The following PCGF5 variants were observed in gnomAD, a reference collection of about 807,000 sequenced individuals.
The protein encoded by PCGF5 is polycomb group RING finger protein 5.
A neutral mutation model predicts 44.3 loss-of-function variants in PCGF5; 9 were observed. The observed-to-expected ratio is 0.20, with a 90% CI of 0.12 to 0.35. The LOEUF (loss-of-function observed/expected upper bound fraction) is 0.35, where lower values mean the gene tolerates loss of function less well. PCGF5 is among the 10% of genes least tolerant of loss of function. The probability of loss-of-function intolerance (pLI) is 1.00; values close to 1 mark genes in which losing one functional copy is unlikely to be tolerated. For missense variants in PCGF5, 146 were observed against 305.3 expected, an observed-to-expected ratio of 0.48 and a Z score of 3.89; for synonymous variants, 95 against 102.5, an observed-to-expected ratio of 0.93 and a Z score of 0.44.
At position 91,271,712 on chromosome 10, in the gene PCGF5, C is replaced by T. The variant is rs1264630163; in HGVS notation, c.723+15C>T. On this transcript the variant is annotated intron_variant, in intron 9 of 9. Transcript: ENST00000336126. ...CTTTGTATCAGGTAAGAGGCACTCA[C>T]GACTGTACATATGACCATCATGACA... 1.2e-6 allele frequency: 2 copies of T among 1,606,260 alleles called. No homozygotes were observed. The highest frequency in any genetic ancestry group is 1.7e-6 in the Non-Finnish European group (2 of 1,172,952).
chr10:91,221,142 C>T (rs757175351), intron 1 of PCGF5, among the ~76,000 whole-genome samples: 1 of 152,116 alleles, frequency 6.6e-6, no homozygotes, highest in Non-Finnish European at 1.5e-5. Context: ...TGTGCTGGGA[C>T]CCCACAGGGC....
At chr10:91,160,244 C>A (rs549209159), upstream of PCGF5, among the ~76,000 whole-genome samples, 2 of 152,042 alleles carry the variant, frequency 1.3e-5, no homozygotes, top group East Asian at 1.9e-4. Flanking sequence ...ATTTAAAGTG[C>A]GGATGTATTA....
At chr10:91,194,799 C>T (rs1844097950) in intron 1 of PCGF5, among the ~76,000 whole-genome samples, 1 of 151,988 alleles carries the variant, frequency 6.6e-6, no homozygotes, top group Non-Finnish European at 1.5e-5. Flanking sequence ...TTGTATTGTC[C>T]TCATTTTTAA....
At chr10:91,217,922 G>T (rs1286753810), upstream of PCGF5, among the ~76,000 whole-genome samples, 1 of 152,148 alleles carries the variant, frequency 6.6e-6, no homozygotes, top group Non-Finnish European at 1.5e-5. Flanking sequence ...TAGTAGCTGG[G>T]ATTACAGGCA....
At chr10:91,186,757 A>G (rs1249102601) in intron 1 of PCGF5, among the ~76,000 whole-genome samples, 1 of 152,138 alleles carries the variant, frequency 6.6e-6, no homozygotes, top group Non-Finnish European at 1.5e-5. Context: ...CCTGCTCCGT[A>G]TATTGATAGG....
At chr10:91,218,151 T>G (rs1240739716), upstream of PCGF5, among the ~76,000 whole-genome samples, 1 of 152,210 alleles carries the variant, frequency 6.6e-6, no homozygotes, top group Non-Finnish European at 1.5e-5. Flanking sequence ...CAAGAGGTAT[T>G]AAAGAAAACT....
chr10:91,268,749 T>C (rs1186229346), intron 8 of PCGF5, among the ~76,000 whole-genome samples: 2 of 152,190 alleles, frequency 1.3e-5, no homozygotes, highest in Non-Finnish European at 2.9e-5. Context: ...CCATACATAC[T>C]CTGTGCCACT....
intron 6 of PCGF5, 139 bp downstream of exon 6, chr10:91,251,579 G>A (rs977554883): frequency 1.2e-6 from 1 of 858,656 alleles, no homozygotes; most frequent in South Asian, 1.6e-5. Context: ...GCCATTCTTT[G>A]ACAATCCTAT....
intron 2 of PCGF5, among the ~76,000 whole-genome samples, chr10:91,224,568 G>C (rs1053884510): frequency 6.6e-6 from 1 of 152,136 alleles, no homozygotes; most frequent in Non-Finnish European, 1.5e-5. Context: ...GAGACATGGA[G>C]GTAATTTATA....
intron 1 of PCGF5, among the ~76,000 whole-genome samples, chr10:91,186,205 T>C (rs1056426256): frequency 6.6e-6 from 1 of 152,238 alleles, no homozygotes. Context: ...ACCCTCAGGT[T>C]GCCCTCAAGT....
At chr10:91,261,189 T>C in intron 6 of PCGF5, 137 bp from the exon 7 acceptor site, 1 of 1,116,116 alleles carries the variant, frequency 9.0e-7, no homozygotes, top group Non-Finnish European at 1.2e-6. Context: ...TAAAAAGCTA[T>C]AAATTGAAAT....
intron 6 of PCGF5, among the ~76,000 whole-genome samples, chr10:91,260,402 C>T (rs1310184783): frequency 1.3e-5 from 2 of 152,120 alleles, no homozygotes; most frequent in African/African-American, 4.8e-5. Context: ...GTCGATGTGG[C>T]GATTCTTCAG....
At chr10:91,198,908 G>A (rs1207125991) in intron 1 of PCGF5, among the ~76,000 whole-genome samples, 1 of 152,136 alleles carries the variant, frequency 6.6e-6, no homozygotes, top group Non-Finnish European at 1.5e-5. Flanking sequence ...GGCCATTCTT[G>A]TTCTCCTCCT....
At chr10:91,254,472 A>C (rs758196408) in intron 6 of PCGF5, among the ~76,000 whole-genome samples, 1 of 151,958 alleles carries the variant, frequency 6.6e-6, no homozygotes, top group Non-Finnish European at 1.5e-5. Flanking sequence ...ATTAGGGATT[A>C]GTTTGTTATC....
chr10:91,264,397 T>C (rs1845998898), intron 7 of PCGF5, 34 bp from the exon 8 acceptor site: 1 of 1,475,428 alleles, frequency 6.8e-7, no homozygotes, highest in Non-Finnish European at 9.2e-7. Flanking sequence ...AATTCAACAT[T>C]ATGTTAATAG....
intron 9 of PCGF5, among the ~76,000 whole-genome samples, 184 bp from the exon 10 acceptor site, chr10:91,278,085 C>G (rs1431437754): frequency 6.6e-6 from 1 of 151,998 alleles, no homozygotes; most frequent in African/African-American, 2.4e-5. Context: ...TTGACTGATT[C>G]TAGAAAAATA....
At chr10:91,254,177 C>G (rs896619372) in intron 6 of PCGF5, among the ~76,000 whole-genome samples, 2 of 149,746 alleles carry the variant, frequency 1.3e-5, no homozygotes, top group African/African-American at 2.5e-5. Flanking sequence ...TGTTCGTTCT[C>G]TCTCTCTGTC....
intron 6 of PCGF5, among the ~76,000 whole-genome samples, chr10:91,261,003 A>G (rs1034677990): frequency 1.3e-5 from 2 of 151,458 alleles, no homozygotes; most frequent in East Asian, 3.9e-4. Flanking sequence ...AAATATATAT[A>G]TTTTTATGCT....
rs1846422064 is a variant in PCGF5 at position 91,280,306 on chromosome 10, A to G, written c.*1990A>G. ...TTAACTCAAAATGAATTAAGAGTGC[A>G]TTTTAAAAATCACAAGTGAGACTTT... On this transcript the variant is annotated 3_prime_UTR_variant, in exon 10 of 10. Transcript: ENST00000336126. 1 of 152,084 alleles carries G rather than the reference A, an allele frequency of 6.6e-6. No individual in the cohort carries two copies. Among genetic ancestry groups the G allele is most frequent in the Non-Finnish European group, 1.5e-5 (1 of 67,904 alleles). 9.4% of individuals were successfully genotyped at this position (152,084 alleles called of 1,614,324 possible).
Sources: allele counts gnomAD v4.1 joint callset (sites outside exome capture counted in the v4.1 genomes callset), GRCh38; gene constraint gnomAD v4.1.1; transcripts MANE v1.5; gene names NCBI Gene and HGNC (gene_info 2026-07-23, HGNC 2026-07-21).